ZNF219: variants seen among roughly 807,000 people sequenced by gnomAD.
ZNF219 encodes zinc finger protein 219.
Under a neutral mutation model 54.4 loss-of-function variants are expected in ZNF219, and 17 were observed. The ratio of observed to expected loss-of-function variants is 0.31; its 90% confidence interval spans 0.21 to 0.47. The LOEUF (loss-of-function observed/expected upper bound fraction) is 0.47, where lower values mean the gene tolerates loss of function less well. Ranked by LOEUF, ZNF219 falls within the 20% of genes least tolerant of loss-of-function variation. The probability of loss-of-function intolerance (pLI) is 1.00; values close to 1 mark genes in which losing one functional copy is unlikely to be tolerated. For synonymous variants in ZNF219, 518 were observed against 476.4 expected (o/e 1.09, Z -1.14); for missense variants, 1,014 against 1,062.3 (o/e 0.95, Z 0.63).
At chr14:21,095,664 T>C (rs958967620) in intron 1 of ZNF219, among the ~76,000 whole-genome samples, 26 of 152,112 alleles carry the variant, frequency 1.7e-4, no homozygotes, top group African/African-American at 5.8e-4. Context: ...CTCAGTACCA[T>C]AGATAGAGCT....
chr14:21,091,829 C>T, intron 3 of ZNF219, 36 bp downstream of exon 3: 4 of 1,490,014 alleles, frequency 2.7e-6, no homozygotes, highest in East Asian at 2.4e-5. Flanking sequence ...CAGAGGAGGA[C>T]GCGGCGTACC....
At chr14:21,101,162 T>G (rs1430860197), upstream of ZNF219, 8 of 534,634 alleles carry the variant, frequency 1.5e-5, no homozygotes, top group Non-Finnish European at 2.3e-5. Context: ...TCCCATCCCT[T>G]TGGAGTAGCT....
In ZNF219 at chr14:21,098,584, G is replaced by A. The variant is rs1470911206; in HGVS notation, c.-356C>T. On this transcript the variant is annotated 5_prime_UTR_variant, in exon 1 of 5. Coordinates refer to ENST00000360947, the MANE Select transcript of ZNF219 (RefSeq NM_016423.3). ...CGCGGGAGCCGGGCTCTGGCTCCGG[G>A]GACAGGGAGCTGGGGACCCCGGGAG... 1.0e-6 allele frequency: 1 copy of A among 998,264 alleles called. No homozygotes were observed. Among genetic ancestry groups the A allele is most frequent in the Non-Finnish European group, 1.2e-6 (1 of 837,606 alleles). 61.8% of individuals were successfully genotyped at this position (998,264 alleles called of 1,614,324 possible).
chr14:21,094,357 C>G (rs1219599178), intron 1 of ZNF219: 1 of 455,686 alleles, frequency 2.2e-6, no homozygotes, highest in Non-Finnish European at 4.4e-6. Flanking sequence ...AGGGGCACAG[C>G]TAGCCTGGGG....
intron 2 of ZNF219, 119 bp downstream of exon 2, chr14:21,093,467 A>G (rs1889097313): frequency 1.4e-6 from 2 of 1,447,474 alleles, no homozygotes; most frequent in Non-Finnish European, 9.6e-7. Context: ...ATGGGAATCG[A>G]GATGTCAGGG....
At chr14:21,098,065 C>A (rs1309001729) in intron 1 of ZNF219, among the ~76,000 whole-genome samples, 1 of 150,500 alleles carries the variant, frequency 6.6e-6, no homozygotes, top group Non-Finnish European at 1.5e-5. Flanking sequence ...TCCACCTGGC[C>A]CCCCCTCCCT....
chr14:21,090,399 G>A lies in ZNF219; in HGVS notation c.*137C>T, dbSNP rs6571653. 4.1e-6 allele frequency: 5 copies of A among 1,223,376 alleles called. No homozygotes were observed. The East Asian group carries it at 7.6e-5, about 19-fold the overall frequency. 75.8% of individuals were successfully genotyped at this position (1,223,376 alleles called of 1,614,324 possible). A position where few individuals can be genotyped will look rare whatever the true frequency, so the allele number is the denominator to read the frequency against. On this transcript the variant is annotated 3_prime_UTR_variant, in exon 5 of 5. Transcript: ENST00000360947. This position sits in a 1 kb window ranked among gnomAD's most constrained non-coding sequence, Gnocchi z 4.4. Reference sequence around the variant, plus strand: ...CAGCCCACCCTCCTACGCCCGCCGCGCCTTCCACCTCTGGTCCGCCTGGGG... The same window carrying A: ...CAGCCCACCCTCCTACGCCCGCCGCACCTTCCACCTCTGGTCCGCCTGGGG...
upstream of ZNF219, chr14:21,102,884 AAAG>A (rs1474305560): frequency 1.4e-6 from 2 of 1,456,878 alleles, no homozygotes; most frequent in East Asian, 4.9e-5. Flanking sequence ...GCAGGAGAGA[AAAG>A]AAGAGGTCCT....
upstream of ZNF219, chr14:21,102,650 G>A (rs1204973911): frequency 3.2e-6 from 5 of 1,551,534 alleles, no homozygotes; most frequent in Non-Finnish European, 4.4e-6. Context: ...GCTTGCTGGT[G>A]CTGGAACTCA....
At chr14:21,102,842 C>G, upstream of ZNF219, 1 of 1,523,002 alleles carries the variant, frequency 6.6e-7, no homozygotes, top group Non-Finnish European at 8.8e-7. Context: ...ACTGCCTATC[C>G]TGGTCAGTGG....
chr14:21,100,675 G>T (rs1331649138), upstream of ZNF219, among the ~76,000 whole-genome samples: 1 of 152,200 alleles, frequency 6.6e-6, no homozygotes, highest in African/African-American at 2.4e-5. Context: ...AAGGAAGGGA[G>T]ACTGTCCAGA....
At position 21,098,354 on chromosome 14, in the gene ZNF219, G is replaced by A. The variant is rs1889421110; in HGVS notation, c.-126C>T. The A allele has an allele frequency of 2.8e-6, 1 of 352,906 alleles. No homozygotes were observed. The highest frequency in any genetic ancestry group is 3.9e-6 in the Non-Finnish European group (1 of 255,694). The allele number at this position is 352,906 out of a possible 1,614,324, so 21.9% of individuals were successfully genotyped here. A position where few individuals can be genotyped will look rare whatever the true frequency, so the allele number is the denominator to read the frequency against. ...CGGCGGAGCGGGCGGCGGCGGCGGC[G>A]GCGGCGGCGGGCGGCGGGCCGGCGG... On this transcript the variant is annotated 5_prime_UTR_variant, in exon 1 of 5. Coordinates refer to ENST00000360947, the MANE Select transcript of ZNF219 (RefSeq NM_016423.3).
At chr14:21,102,259 G>A, upstream of ZNF219, 2 of 1,407,294 alleles carry the variant, frequency 1.4e-6, no homozygotes, top group South Asian at 2.8e-5. Flanking sequence ...CACTGAGGAG[G>A]AAAGCAAAAA....
Position 21,090,303 on chromosome 14 carries a change from A to T in ZNF219, c.*233T>A. The T allele has an allele frequency of 1.4e-6, 1 of 704,756 alleles. No individual in the cohort carries two copies. Among genetic ancestry groups the T allele is most frequent in the Non-Finnish European group, 2.6e-6 (1 of 390,036 alleles). The allele number at this position is 704,756 out of a possible 1,614,324, so 43.7% of individuals were successfully genotyped here. On this transcript the variant is annotated 3_prime_UTR_variant, in exon 5 of 5. Transcript: ENST00000360947. This position sits in a 1 kb window ranked among gnomAD's most constrained non-coding sequence, Gnocchi z 4.4. ...ACAAACCTTCTCTGCCAGCCCAGGG[A>T]CCCCGTTCTTTGACCCTCACCTCTG...
chr14:21,101,094 A>C, upstream of ZNF219: 1 of 352,720 alleles, frequency 2.8e-6, no homozygotes, highest in Middle Eastern at 8.7e-4. Context: ...CTGCCAGGAC[A>C]AGTTTGTCGT....
Position 21,090,918 on chromosome 14 carries a change from G to T in ZNF219, c.1787C>A (p.Pro596His). Reference sequence around the variant, plus strand: ...CCCCGGCCCAGCACCGCTAGAAGGAGGCCGGGGACTTGAGGCGCCCTCCAC... The same window carrying T: ...CCCCGGCCCAGCACCGCTAGAAGGATGCCGGGGACTTGAGGCGCCCTCCAC... ...TWVEGASSPR[P>H]PSSGAGPGSR... Residue 596 changes from proline (P) to histidine (H), a missense_variant, in exon 5 of 5, where the codon CCT (proline) becomes CAT (histidine). Around this residue, in one of 5 missense-constraint regions of ZNF219, gnomAD observed 281 missense variants for 271.2 expected, o/e 1.04. Coordinates refer to ENST00000360947, the MANE Select transcript of ZNF219 (RefSeq NM_016423.3). The surrounding 1 kb of genome is among the most constrained non-coding windows in gnomAD (Gnocchi z 4.4). 6.5e-7 allele frequency: 1 copy of T among 1,549,012 alleles called. No homozygotes were observed. Among genetic ancestry groups the T allele is most frequent in the Non-Finnish European group, 8.7e-7 (1 of 1,151,132 alleles).
chr14:21,093,368 G>C, intron 2 of ZNF219, 78 bp from the exon 3 acceptor site: 1 of 1,505,522 alleles, frequency 6.6e-7, no homozygotes, highest in Non-Finnish European at 8.9e-7. Context: ...TCGAGGGCCA[G>C]AAGGACAACA....
At position 21,092,079 on chromosome 14, in the gene ZNF219, G is replaced by A. The variant is rs967209161; in HGVS notation, c.1218C>T (p.Gly406=). 3 of 1,538,078 alleles carry A rather than the reference G, an allele frequency of 2.0e-6. No individual in the cohort carries two copies. The highest frequency in any genetic ancestry group is 2.6e-6 in the Non-Finnish European group (3 of 1,142,206). ...GGAGAGCAGAGGACAGCGGGCGGAA[G>A]CCTCCGAAGCTGCGGCCGGGACCGG... is the stretch of plus-strand genomic sequence containing the variant. ...AEPGPGRSFG[G]FRPLSSALPA... Residue 406 remains glycine, a synonymous_variant, in exon 3 of 5, where the codon GGC becomes GGT. Transcript: ENST00000360947.
chr14:21,097,900 T>TG (rs893246088), intron 1 of ZNF219, among the ~76,000 whole-genome samples: 17 of 149,572 alleles, frequency 1.1e-4, no homozygotes, highest in Non-Finnish European at 2.4e-4. Context: ...GGCCGGGGGT[T>TG]GGGGGGTGCA....
Sources: gnomAD v4.1 joint callset for allele counts (sites outside exome capture counted in the v4.1 genomes callset) on GRCh38, gnomAD v4.1.1 for gene constraint, gnomAD v4.1.1 regional missense constraint, Gnocchi (gnomAD v3.1) non-coding constraint, MANE v1.5 for transcripts, NCBI Gene and HGNC (gene_info 2026-07-23, HGNC 2026-07-21) for gene names.